Variants in ADAMTSL1 observed in about 807,000 individuals in gnomAD.
ADAMTSL1 encodes ADAMTS like 1.
In ADAMTSL1, 126 loss-of-function variants were observed where a neutral mutation model predicts 201.8. The observed-to-expected ratio is 0.62, with a 90% confidence interval of 0.54 to 0.72. ADAMTSL1 has a LOEUF of 0.72. ADAMTSL1 is among the 30% of genes least tolerant of loss of function. The probability of loss-of-function intolerance (pLI) is 0.00; values close to 1 mark genes in which losing one functional copy is unlikely to be tolerated. For synonymous variants in ADAMTSL1, 1,121 were observed against 903.4 expected (o/e 1.24, Z -4.32); for missense variants, 2,679 against 2,277.8 (o/e 1.18, Z -3.59).
At chr9:18,590,123 A>G (rs1229515420) in intron 4 of ADAMTSL1, among the ~76,000 whole-genome samples, 1 of 151,632 alleles carries the variant, frequency 6.6e-6, no homozygotes, top group Non-Finnish European at 1.5e-5. Context: ...TGTTTTTTTA[A>G]ATGTTTGGTA....
At chr9:18,302,623 A>G (rs2132737332) in intron 2 of ADAMTSL1, among the ~76,000 whole-genome samples, 1 of 152,334 alleles carries the variant, frequency 6.6e-6, no homozygotes, top group Non-Finnish European at 1.5e-5. Flanking sequence ...TGATTTTAAT[A>G]TGACTTAAAC....
intron 1 of ADAMTSL1, among the ~76,000 whole-genome samples, chr9:18,023,008 C>T (rs1322302162): frequency 6.6e-6 from 1 of 152,048 alleles, no homozygotes; most frequent in Non-Finnish European, 1.5e-5. Context: ...TTCCTGTGCC[C>T]TTAAACATTT....
chr9:18,790,129 T>G (rs369553623), intron 19 of ADAMTSL1, among the ~76,000 whole-genome samples: 2 of 152,358 alleles, frequency 1.3e-5, no homozygotes, highest in Admixed American at 1.3e-4. Flanking sequence ...ATCTGGTGTT[T>G]AAACTGAGAC....
chr9:18,601,056 A>G (rs1042966916), intron 4 of ADAMTSL1, among the ~76,000 whole-genome samples: 5 of 152,128 alleles, frequency 3.3e-5, no homozygotes, highest in African/African-American at 9.7e-5. Flanking sequence ...ACCTTAAACT[A>G]ACTCTCTCAG....
At chr9:18,080,981 A>G (rs1289341628) in intron 1 of ADAMTSL1, among the ~76,000 whole-genome samples, 3 of 152,236 alleles carry the variant, frequency 2.0e-5, no homozygotes, top group Non-Finnish European at 2.9e-5. Flanking sequence ...TAAAATATCA[A>G]TGATTTATCT....
intron 23 of ADAMTSL1, 75 bp downstream of exon 23, chr9:18,830,052 G>C: frequency 6.5e-7 from 1 of 1,526,968 alleles, no homozygotes; most frequent in Non-Finnish European, 8.8e-7. Flanking sequence ...ACTGTTTGCA[G>C]GTGGGAAGGA....
At chr9:18,579,968 G>T (rs1822991887) in intron 4 of ADAMTSL1, among the ~76,000 whole-genome samples, 1 of 152,064 alleles carries the variant, frequency 6.6e-6, no homozygotes, top group Non-Finnish European at 1.5e-5. Flanking sequence ...TAATTTTGAG[G>T]TTATTTTGAA....
At chr9:18,003,203 G>A (rs1169791512) in intron 1 of ADAMTSL1, among the ~76,000 whole-genome samples, 2 of 151,938 alleles carry the variant, frequency 1.3e-5, no homozygotes, top group African/African-American at 2.4e-5. Flanking sequence ...CCAGTTCCAC[G>A]CTGACTCCAG....
chr9:18,187,411 C>G (rs1828787376), intron 2 of ADAMTSL1, among the ~76,000 whole-genome samples: 1 of 152,086 alleles, frequency 6.6e-6, no homozygotes, highest in Non-Finnish European at 1.5e-5. Context: ...CACATTGGGA[C>G]TATTCAGTCT....
At chr9:17,917,087 G>A (rs1015515178) in intron 1 of ADAMTSL1, among the ~76,000 whole-genome samples, 5 of 151,852 alleles carry the variant, frequency 3.3e-5, no homozygotes, top group Non-Finnish European at 7.4e-5. Context: ...AAATACAATT[G>A]ATTTTATATA....
intron 1 of ADAMTSL1, among the ~76,000 whole-genome samples, chr9:18,497,506 T>C (rs1276602276): frequency 1.3e-5 from 2 of 152,164 alleles, no homozygotes; most frequent in South Asian, 2.1e-4. Context: ...GTCTTCCAAA[T>C]TAAAGGAGTT....
At chr9:18,049,845 G>T (rs187675507) in intron 1 of ADAMTSL1, among the ~76,000 whole-genome samples, 1 of 151,986 alleles carries the variant, frequency 6.6e-6, no homozygotes, top group Non-Finnish European at 1.5e-5. Context: ...GGATGGTCTC[G>T]ATCTCCTGAC....
chr9:18,612,063 AG>A (rs1386838680), intron 4 of ADAMTSL1, among the ~76,000 whole-genome samples: 2 of 152,214 alleles, frequency 1.3e-5, no homozygotes, highest in Non-Finnish European at 2.9e-5. Flanking sequence ...CTACAGATCC[AG>A]AGTTGGTGTC....
intron 2 of ADAMTSL1, among the ~76,000 whole-genome samples, chr9:18,304,298 T>TA (rs1833822292): frequency 1.3e-5 from 2 of 152,132 alleles, no homozygotes; most frequent in South Asian, 4.1e-4. Flanking sequence ...CTCCTGCCCC[T>TA]ACCCTCAACA....
At chr9:18,584,179 G>T (rs1161844513) in intron 4 of ADAMTSL1, among the ~76,000 whole-genome samples, 1 of 152,214 alleles carries the variant, frequency 6.6e-6, no homozygotes, top group African/African-American at 2.4e-5. Context: ...ATTCCCACGT[G>T]TTGTGGGAGG....
chr9:18,193,659 TG>T (rs1829059079), intron 2 of ADAMTSL1, among the ~76,000 whole-genome samples: 1 of 152,082 alleles, frequency 6.6e-6, no homozygotes, highest in African/African-American at 2.4e-5. Context: ...AACTACAATT[TG>T]TCACACTCAT....
At chr9:17,992,776 C>A (rs1819212361) in intron 1 of ADAMTSL1, among the ~76,000 whole-genome samples, 2 of 152,116 alleles carry the variant, frequency 1.3e-5, no homozygotes, top group South Asian at 4.1e-4. Flanking sequence ...GGTGCTATTA[C>A]CCTATAACTT....
chr9:18,135,343 A>T (rs113615533), intron 1 of ADAMTSL1, among the ~76,000 whole-genome samples: 1 of 152,212 alleles, frequency 6.6e-6, no homozygotes, highest in South Asian at 2.1e-4. Flanking sequence ...TTAATGAACT[A>T]TGAGGAAAGC....
intron 1 of ADAMTSL1, among the ~76,000 whole-genome samples, chr9:17,942,076 C>T (rs1827259864): frequency 1.3e-5 from 2 of 152,078 alleles, no homozygotes; most frequent in South Asian, 4.1e-4. Flanking sequence ...TTATATGATT[C>T]CATTCACCTA....
Sources: gnomAD v4.1 joint callset for allele counts (sites outside exome capture counted in the v4.1 genomes callset) on GRCh38, gnomAD v4.1.1 for gene constraint, MANE v1.5 for transcripts, NCBI Gene and HGNC (gene_info 2026-07-23, HGNC 2026-07-21) for gene names.